Variants in EIF4H observed in about 807,000 individuals in gnomAD.
EIF4H encodes the protein Williams-Beuren syndrome chromosome region 1.
A neutral mutation model predicts 30.6 loss-of-function variants in EIF4H; 8 were observed. The ratio of observed to expected loss-of-function variants is 0.26; its 90% CI spans 0.15 to 0.47. The LOEUF (loss-of-function observed/expected upper bound fraction) is 0.47, where lower values mean the gene tolerates loss of function less well. Among genes scored for constraint, EIF4H ranks in the 20% least tolerant of loss-of-function variants. The pLI, the probability that EIF4H is intolerant of heterozygous loss-of-function variation, is 0.99. For missense variants in EIF4H, 188 were observed against 339.5 expected, an observed-to-expected ratio of 0.55 and a Z score of 3.51; for synonymous variants, 106 against 122.7, an observed-to-expected ratio of 0.86 and a Z score of 0.90.
chr7:74,190,085 C>T (rs1366404149), intron 4 of EIF4H, 162 bp from the exon 5 acceptor site: 6 of 1,113,672 alleles, frequency 5.4e-6, no homozygotes, highest in Non-Finnish European at 7.6e-6. Flanking sequence ...GATGCTTCTG[C>T]AAGCCTGGCG....
In EIF4H at chr7:74,189,757, C is replaced by G. The variant is rs371545407; in HGVS notation, c.312+20C>G. ...GGTGCAGTAAGTATCCTCGGGTTTT[C>G]TCTGTCATAGCAGTTGAGATTGTTT... On this transcript the variant is annotated intron_variant, in intron 3 of 6. Coordinates refer to ENST00000265753, the MANE Select transcript of EIF4H (RefSeq NM_022170.2). 1 of 1,614,190 alleles carries G rather than the reference C, an allele frequency of 6.2e-7. No homozygotes were observed. The highest frequency in any genetic ancestry group is 8.5e-7 in the Non-Finnish European group (1 of 1,180,024).
chr7:74,177,897 T>G (rs1252805402), intron 1 of EIF4H, among the ~76,000 whole-genome samples: 1 of 152,206 alleles, frequency 6.6e-6, no homozygotes, highest in African/African-American at 2.4e-5. Context: ...CTGAAGTAAG[T>G]TTCTTCACCT....
At chr7:74,190,384 GC>G in intron 5 of EIF4H, 78 bp downstream of exon 5, 1 of 1,424,862 alleles carries the variant, frequency 7.0e-7, no homozygotes, top group Non-Finnish European at 9.9e-7. Flanking sequence ...CGAGTAGCCC[GC>G]CTGGCCGGAC....
In EIF4H at chr7:74,194,895, C is replaced by A; in HGVS notation, c.607+17C>A. The stretch of plus-strand genomic sequence containing the variant: ...CCACAGAAGGTACGGGCTCATGTGT[C>A]AGTGGAGGGCATCTTGTCCTGATGG... On this transcript the variant is annotated intron_variant, in intron 6 of 6. Coordinates refer to ENST00000265753, the MANE Select transcript of EIF4H (RefSeq NM_022170.2). The A allele has an allele frequency of 6.3e-7, 1 of 1,575,856 alleles. No homozygotes were observed.
intron 5 of EIF4H, among the ~76,000 whole-genome samples, chr7:74,192,712 CTG>C (rs369152125): frequency 0.015 from 1,802 of 121,252 alleles, 36 homozygotes; most frequent in African/African-American, 0.052. Flanking sequence ...GAGGCTCACT[CTG>C]TTGCCCAGGC....
At chr7:74,175,477 C>T (rs1800817136) in intron 1 of EIF4H, among the ~76,000 whole-genome samples, 2 of 152,236 alleles carry the variant, frequency 1.3e-5, no homozygotes, top group East Asian at 1.9e-4. Flanking sequence ...AAAGAATGAT[C>T]ACTTTTAATA....
At chr7:74,179,818 A>G (rs186174080) in intron 1 of EIF4H, among the ~76,000 whole-genome samples, 459 of 152,312 alleles carry the variant, frequency 3.0e-3, no homozygotes, top group Non-Finnish European at 5.4e-3. Context: ...TAGCTGTTAG[A>G]AAAGTCTCTG....
rs1367531812 is a variant in EIF4H, at chr7:74,196,908, T to TA, written c.*1601dup. Reference sequence around the variant, plus strand: ...ACCCGATGCTTTCAGATGACCTACTTACATCTTCAATGTGGATAAGATAAA... The same window carrying TA: ...ACCCGATGCTTTCAGATGACCTACTTAACATCTTCAATGTGGATAAGATAAA... On this transcript the variant is annotated 3_prime_UTR_variant, in exon 7 of 7. Transcript: ENST00000265753. The TA allele has an allele frequency of 6.6e-6, 1 of 152,646 alleles. No homozygotes were observed. Among genetic ancestry groups the TA allele is most frequent in the Non-Finnish European group, 1.5e-5 (1 of 68,048 alleles). The allele number at this position is 152,646 out of a possible 1,614,324, so 9.5% of individuals were successfully genotyped here.
intron 5 of EIF4H, chr7:74,191,291 A>C (rs376167285): frequency 5.6e-6 from 3 of 532,972 alleles, no homozygotes; most frequent in Non-Finnish European, 1.2e-5. Flanking sequence ...TGAAACATGC[A>C]GCAGCTGTCT....
intron 1 of EIF4H, among the ~76,000 whole-genome samples, chr7:74,176,763 C>T (rs1800851465): frequency 6.6e-6 from 1 of 152,208 alleles, no homozygotes; most frequent in African/African-American, 2.4e-5. Context: ...GGCATGTCCC[C>T]AGCAGCCAGG....
intron 1 of EIF4H, among the ~76,000 whole-genome samples, chr7:74,174,960 A>G (rs1215181461): frequency 1.3e-5 from 2 of 152,134 alleles, no homozygotes; most frequent in Admixed American, 1.3e-4. Context: ...CTTACGTGTG[A>G]GGCAGGGATT....
intron 1 of EIF4H, among the ~76,000 whole-genome samples, chr7:74,179,247 C>T (rs781926871): frequency 6.6e-6 from 1 of 152,134 alleles, no homozygotes; most frequent in Non-Finnish European, 1.5e-5. Flanking sequence ...TGATTCTATA[C>T]CAAAACTCAA....
intron 5 of EIF4H, among the ~76,000 whole-genome samples, chr7:74,192,673 T>C (rs1413654321): frequency 1.5e-5 from 1 of 66,004 alleles, no homozygotes; most frequent in Non-Finnish European, 3.5e-5. Flanking sequence ...TGTGACTTTT[T>C]TTTTTTTCTT....
intron 1 of EIF4H, among the ~76,000 whole-genome samples, chr7:74,176,075 C>A (rs567490072): frequency 6.6e-5 from 10 of 152,244 alleles, no homozygotes; most frequent in African/African-American, 1.9e-4. Flanking sequence ...CTTGAACTTC[C>A]TAATAGAAAG....
At chr7:74,185,369 G>A (rs1191963698) in intron 1 of EIF4H, among the ~76,000 whole-genome samples, 9 of 152,082 alleles carry the variant, frequency 5.9e-5, no homozygotes, top group Admixed American at 5.2e-4. Flanking sequence ...TTATGATTTC[G>A]GAGATATCAG....
intron 1 of EIF4H, among the ~76,000 whole-genome samples, chr7:74,174,801 G>A (rs1554707439): frequency 1.3e-5 from 2 of 152,248 alleles, no homozygotes; most frequent in African/African-American, 4.8e-5. Context: ...CTGTGGCGCT[G>A]GGGTACGGGC....
intron 1 of EIF4H, among the ~76,000 whole-genome samples, chr7:74,177,905 C>T (rs1800876466): frequency 6.6e-6 from 1 of 152,176 alleles, no homozygotes; most frequent in Admixed American, 6.5e-5. Flanking sequence ...AGTTTCTTCA[C>T]CTCTCTGAGC....
intron 1 of EIF4H, among the ~76,000 whole-genome samples, chr7:74,179,506 C>G (rs1232611156): frequency 6.6e-6 from 1 of 152,050 alleles, no homozygotes; most frequent in Non-Finnish European, 1.5e-5. Context: ...GTGGTGGGCC[C>G]CTGTAGTCCC....
Position 74,195,355 on chromosome 7 carries a change from A to G in EIF4H, c.*47A>G, listed in dbSNP as rs1180509928. 4 of 1,559,376 alleles carry G rather than the reference A, an allele frequency of 2.6e-6. No homozygotes were observed. Among genetic ancestry groups the G allele is most frequent in the Non-Finnish European group, 3.5e-6 (4 of 1,150,270 alleles). ...GGGCGTGGGGGGTTAGAGCAGGACCACAGCCTGGTGAGTCCCCGGGCAGCC... is the reference window on the plus strand; with the variant it reads ...GGGCGTGGGGGGTTAGAGCAGGACCGCAGCCTGGTGAGTCCCCGGGCAGCC... On this transcript the variant is annotated 3_prime_UTR_variant, in exon 7 of 7. Transcript: ENST00000265753.
Sources: gnomAD v4.1 joint callset for allele counts (sites outside exome capture counted in the v4.1 genomes callset) on GRCh38, gnomAD v4.1.1 for gene constraint, MANE v1.5 for transcripts, NCBI Gene and HGNC (gene_info 2026-07-23, HGNC 2026-07-21) for gene names.